Variants in SOX6 observed in about 807,000 individuals in gnomAD.
The protein encoded by SOX6 is transcription factor SOX-6.
SOX6 carries 11 observed loss-of-function variants against 97.8 expected under a neutral mutation model. The ratio of observed to expected loss-of-function variants is 0.11; its 90% CI spans 0.07 to 0.19. SOX6 has a LOEUF of 0.19. SOX6 is among the 10% of genes least tolerant of loss of function. SOX6 has a pLI of 1.00. For synonymous variants in SOX6, 360 were observed against 371.4 expected, an observed-to-expected ratio of 0.97 and a Z score of 0.35; for missense variants, 810 against 1,039.5, an observed-to-expected ratio of 0.78 and a Z score of 3.04.
At chr11:16,129,025 ATTTTTTTTTTTT>A (rs34756324) in intron 6 of SOX6, among the ~76,000 whole-genome samples, 1 of 119,266 alleles carries the variant, frequency 8.4e-6, no homozygotes, top group Admixed American at 8.5e-5. Flanking sequence ...CATGCCTGGC[ATTTTTTTTTTTT>A]TTTTTTTTTT....
chr11:16,012,150 T>C (rs538002146), intron 13 of SOX6, among the ~76,000 whole-genome samples: 5 of 152,146 alleles, frequency 3.3e-5, no homozygotes, highest in African/African-American at 9.6e-5. Context: ...ATTTTTTTAG[T>C]TATTCTGATA....
chr11:16,169,205 T>A (rs1361182243), intron 6 of SOX6, among the ~76,000 whole-genome samples: 5 of 152,152 alleles, frequency 3.3e-5, no homozygotes, highest in Non-Finnish European at 5.9e-5. Flanking sequence ...TTATAGATAA[T>A]GCTTCTTTGT....
chr11:16,510,428 T>C (rs1291756311), intron 4 of SOX6, among the ~76,000 whole-genome samples: 1 of 152,024 alleles, frequency 6.6e-6, no homozygotes. Context: ...AACTCTTAAA[T>C]TGCTTCAGTA....
chr11:16,111,557 G>T (rs1013116370), intron 7 of SOX6, among the ~76,000 whole-genome samples: 11 of 152,174 alleles, frequency 7.2e-5, no homozygotes, highest in African/African-American at 2.4e-4. Flanking sequence ...AGTCCCCAGG[G>T]AAAGTAGTAT....
At chr11:16,573,435 C>A (rs1847955975) in intron 4 of SOX6, among the ~76,000 whole-genome samples, 1 of 152,148 alleles carries the variant, frequency 6.6e-6, no homozygotes, top group Non-Finnish European at 1.5e-5. Flanking sequence ...ATGGAAATGG[C>A]TAAACTTACT....
intron 4 of SOX6, among the ~76,000 whole-genome samples, chr11:16,560,061 A>G (rs1028322809): frequency 4.6e-5 from 7 of 152,212 alleles, no homozygotes; most frequent in Non-Finnish European, 8.8e-5. Context: ...TGCCCTTAAG[A>G]GCAATGGCTC....
At chr11:16,231,668 T>G (rs1042577855) in intron 4 of SOX6, among the ~76,000 whole-genome samples, 3 of 151,782 alleles carry the variant, frequency 2.0e-5, no homozygotes, top group Non-Finnish European at 4.4e-5. Flanking sequence ...AGTTGATAAG[T>G]CTTAATAAAA....
chr11:16,429,175 A>G (rs1859219992), intron 1 of SOX6, among the ~76,000 whole-genome samples: 1 of 152,190 alleles, frequency 6.6e-6, no homozygotes, highest in South Asian at 2.1e-4. Flanking sequence ...TCAAAAAATT[A>G]CAGATATTGG....
chr11:16,046,601 C>T lies in SOX6; in HGVS notation c.1536G>A (p.Arg512=). ...EARKMREQIQ[R]EQQQQQPHGV... ...CATGTGGCTGTTGCTGCTGTTGCTC[C>T]CGCTGGATCTGCTCTCGCATCTTCC... The change falls in exon 12 of 16, where the codon CGG becomes CGA. Residue 512 remains arginine, a synonymous_variant. Transcript: ENST00000683767. The T allele has an allele frequency of 2.5e-6, 4 of 1,613,782 alleles. No homozygotes were observed. The highest frequency in any genetic ancestry group is 3.4e-6 in the Non-Finnish European group (4 of 1,179,810).
At chr11:16,604,946 GCC>G in intron 4 of SOX6, among the ~76,000 whole-genome samples, 1 of 152,240 alleles carries the variant, frequency 6.6e-6, no homozygotes, top group African/African-American at 2.4e-5. Context: ...GAGCTAATCT[GCC>G]CTCAGCAGCC....
At chr11:16,139,141 T>C (rs1445985210) in intron 6 of SOX6, among the ~76,000 whole-genome samples, 8 of 152,234 alleles carry the variant, frequency 5.3e-5, no homozygotes, top group Admixed American at 5.2e-4. Context: ...ATCCCATCAC[T>C]GTTAATGTCG....
chr11:16,562,332 C>G (rs1847825127), intron 4 of SOX6, among the ~76,000 whole-genome samples: 1 of 152,090 alleles, frequency 6.6e-6, no homozygotes, highest in Non-Finnish European at 1.5e-5. Flanking sequence ...CCTAGGTTTT[C>G]TTTTCGCGTT....
At chr11:16,601,881 G>A (rs770732312) in intron 4 of SOX6, among the ~76,000 whole-genome samples, 2 of 151,992 alleles carry the variant, frequency 1.3e-5, no homozygotes, top group African/African-American at 2.4e-5. Context: ...AGAAAGATTT[G>A]CCAGTTAGGT....
At chr11:16,035,525 GAA>G (rs777888041) in intron 12 of SOX6, among the ~76,000 whole-genome samples, 4 of 152,102 alleles carry the variant, frequency 2.6e-5, no homozygotes, top group Non-Finnish European at 5.9e-5. Context: ...CTTAGGAAAA[GAA>G]AAAGTTAAAG....
At chr11:16,401,347 C>T (rs1219405532) in intron 1 of SOX6, among the ~76,000 whole-genome samples, 1 of 151,336 alleles carries the variant, frequency 6.6e-6, no homozygotes, top group Admixed American at 6.6e-5. Flanking sequence ...AAAAAATCTC[C>T]ATTTATTTAA....
At chr11:16,464,806 G>A (rs1023010051) in intron 1 of SOX6, among the ~76,000 whole-genome samples, 2 of 151,990 alleles carry the variant, frequency 1.3e-5, no homozygotes, top group Non-Finnish European at 2.9e-5. Context: ...TTTTTACCAA[G>A]TAGGCACACA....
intron 6 of SOX6, among the ~76,000 whole-genome samples, 199 bp from the exon 7 acceptor site, chr11:16,112,122 A>T (rs1291756304): frequency 1.3e-5 from 2 of 152,120 alleles, no homozygotes; most frequent in African/African-American, 4.8e-5. Flanking sequence ...CGAAGACGTA[A>T]CTTCATTGTG....
Position 16,107,203 on chromosome 11 carries a change from T to C in SOX6, c.898+4600A>G, listed in dbSNP as rs182176198. Among the ~76,000 whole-genome samples, 7 of 152,004 alleles carry C rather than the reference T, an allele frequency of 4.6e-5. No individual in the cohort carries two copies. In the East Asian group the frequency reaches 1.2e-3, roughly 25 times the overall value. ...TGGTGGTTTCTCAAAAGTTTAAACA[T>C]AGAACTTCATATAATCCATTAATTC... On this transcript the variant is annotated intron_variant, in intron 7 of 15. Coordinates refer to ENST00000683767, the MANE Select transcript of SOX6 (RefSeq NM_001367873.1).
chr11:16,680,286 AGAGTGG>A (rs1045570247), intron 3 of SOX6, among the ~76,000 whole-genome samples: 1 of 152,228 alleles, frequency 6.6e-6, no homozygotes, highest in Non-Finnish European at 1.5e-5. Context: ...AAGCCAGAAG[AGAGTGG>A]GGGCCAATAT....
Sources: gnomAD v4.1 joint callset for allele counts (sites outside exome capture counted in the v4.1 genomes callset) on GRCh38, gnomAD v4.1.1 for gene constraint, MANE v1.5 for transcripts, NCBI Gene and HGNC (gene_info 2026-07-23, HGNC 2026-07-21) for gene names.